Variants in SLC5A11 observed in about 807,000 individuals in gnomAD.
The protein encoded by SLC5A11 is solute carrier family 5 member 11.
A neutral mutation model predicts 69.8 loss-of-function variants in SLC5A11; 48 were observed. That is an observed-to-expected ratio of 0.69 (90% confidence interval 0.55 to 0.87). The LOEUF (loss-of-function observed/expected upper bound fraction) is 0.87. Among genes scored for constraint, SLC5A11 ranks in the 40% least tolerant of loss-of-function variants. The pLI is 0.00. For synonymous variants in SLC5A11, 319 were observed against 342.4 expected, an observed-to-expected ratio of 0.93 and a Z score of 0.75; for missense variants, 784 against 866.1, an observed-to-expected ratio of 0.91 and a Z score of 1.19.
intron 1 of SLC5A11, among the ~76,000 whole-genome samples, chr16:24,853,030 G>C (rs539377403): frequency 6.6e-6 from 1 of 151,792 alleles, no homozygotes; most frequent in East Asian, 1.9e-4. Context: ...ATGGTGCACA[G>C]CCGGTGCCTA....
At chr16:24,867,991 G>A (rs552527152) in intron 3 of SLC5A11, among the ~76,000 whole-genome samples, 136 of 151,898 alleles carry the variant, frequency 9.0e-4, no homozygotes, top group African/African-American at 3.1e-3. Context: ...CAAAAAATTA[G>A]CTGGTTGTGG....
At position 24,906,821 on chromosome 16, in the gene SLC5A11, C is replaced by G; in HGVS notation, c.1114+57C>G. The G allele has an allele frequency of 2.0e-6, 3 of 1,491,080 alleles. No homozygotes were observed. The East Asian group carries it at 6.8e-5, about 34-fold the overall frequency. 92.4% of individuals were successfully genotyped at this position (1,491,080 alleles called of 1,614,324 possible). On this transcript the variant is annotated intron_variant, in intron 11 of 15. Coordinates refer to ENST00000347898, the Ensembl canonical transcript of SLC5A11. ...CTGGAGCACCCAGAAAGGAGATCAC[C>G]GGATGGGCTCTGATCCAAGGCAGGG...
At chr16:24,907,273 A>G in intron 12 of SLC5A11, 98 bp downstream of exon 13, 1 of 1,377,208 alleles carries the variant, frequency 7.3e-7, no homozygotes, top group Non-Finnish European at 1.0e-6. Context: ...TCCAGGCTGA[A>G]GAGCATTAGG....
intron 13 of SLC5A11, 53 bp from the exon 15 acceptor site, chr16:24,908,828 C>T (rs1693717169): frequency 6.4e-7 from 1 of 1,573,544 alleles, no homozygotes; most frequent in Admixed American, 1.7e-5. Flanking sequence ...CTTGAGGTTC[C>T]TGGAGGCCAG....
At chr16:24,856,489 C>T (rs1363921222) in intron 1 of SLC5A11, among the ~76,000 whole-genome samples, 1 of 150,534 alleles carries the variant, frequency 6.6e-6, no homozygotes, top group African/African-American at 2.4e-5. Flanking sequence ...CGCAGTGGCT[C>T]ACGTCTGTAA....
At chr16:24,875,570 G>GT in intron 5 of SLC5A11, 57 bp from the exon 7 acceptor site, 3 of 1,413,502 alleles carry the variant, frequency 2.1e-6, no homozygotes, top group South Asian at 1.2e-5. Flanking sequence ...TTGTGTGGGG[G>GT]GGTCACGTGC....
chr16:24,900,739 C>G, intron 10 of SLC5A11, among the ~76,000 whole-genome samples: 1 of 151,836 alleles, frequency 6.6e-6, no homozygotes, highest in East Asian at 1.9e-4. Flanking sequence ...GATACCAGAC[C>G]CGCTCTCTAC....
chr16:24,870,087 T>G (rs1271614767), intron 4 of SLC5A11, 82 bp downstream of exon 5: 3 of 1,008,156 alleles, frequency 3.0e-6, no homozygotes, highest in South Asian at 2.8e-5. Flanking sequence ...GTGAATGCCC[T>G]GCACTTTAAA....
chr16:24,880,888 ACTT>A (rs1229145084), intron 7 of SLC5A11, among the ~76,000 whole-genome samples: 1 of 151,866 alleles, frequency 6.6e-6, no homozygotes, highest in African/African-American at 2.4e-5. Context: ...TTATCTTTTG[ACTT>A]CTTAATTGTT....
At chr16:24,884,170 A>T in intron 8 of SLC5A11, 39 bp downstream of exon 9, 1 of 1,586,640 alleles carries the variant, frequency 6.3e-7, no homozygotes, top group Non-Finnish European at 8.7e-7. Flanking sequence ...GGACAACAGC[A>T]CCTCTCTCCA....
At chr16:24,883,836 C>T (rs781686838) in intron 7 of SLC5A11, among the ~76,000 whole-genome samples, 1 of 152,184 alleles carries the variant, frequency 6.6e-6, no homozygotes, top group East Asian at 1.9e-4. Flanking sequence ...ATGTGAGAAG[C>T]GGAGAAATCA....
chr16:24,848,682 G>A (rs2059133376), intron 1 of SLC5A11, among the ~76,000 whole-genome samples: 1 of 152,152 alleles, frequency 6.6e-6, no homozygotes, highest in Admixed American at 6.6e-5. Flanking sequence ...GGAGGTGGGA[G>A]GATCCCTTGA....
chr16:24,890,741 C>T, intron 8 of SLC5A11, 128 bp from the exon 10 acceptor site: 1 of 834,286 alleles, frequency 1.2e-6, no homozygotes, highest in Non-Finnish European at 2.0e-6. Flanking sequence ...AGGTTAAGAA[C>T]CCTTAAGGGG....
chr16:24,902,546 C>CTT (rs35191056), intron 10 of SLC5A11, among the ~76,000 whole-genome samples: 4,402 of 130,202 alleles, frequency 0.034, 263 homozygotes, highest in African/African-American at 0.11. Flanking sequence ...CCAATCAAGT[C>CTT]TTTTTTTTTT....
intron 9 of SLC5A11, among the ~76,000 whole-genome samples, chr16:24,891,575 C>T (rs896543395): frequency 2.6e-5 from 4 of 152,204 alleles, no homozygotes; most frequent in South Asian, 4.2e-4. Context: ...CCTCCCGCCT[C>T]AGCCTCCCAA....
At chr16:24,864,269 A>G (rs2152276752) in intron 3 of SLC5A11, among the ~76,000 whole-genome samples, 1 of 152,316 alleles carries the variant, frequency 6.6e-6, no homozygotes, top group East Asian at 1.9e-4. Context: ...GCAGGAAGTG[A>G]AGGCTAAGGC....
intron 3 of SLC5A11, among the ~76,000 whole-genome samples, chr16:24,867,215 AT>A (rs1180290191): frequency 6.6e-6 from 1 of 152,220 alleles, no homozygotes; most frequent in Non-Finnish European, 1.5e-5. Context: ...TTATAAATAA[AT>A]AACCTTGGAA....
chr16:24,899,836 T>TG (rs2049451453), intron 10 of SLC5A11, among the ~76,000 whole-genome samples: 2 of 151,960 alleles, frequency 1.3e-5, no homozygotes, highest in South Asian at 4.2e-4. Flanking sequence ...CCTTAGTAGC[T>TG]GGACTACGGG....
At position 24,901,837 on chromosome 16, in the gene SLC5A11, C is replaced by A. The variant is rs187716724; in HGVS notation, c.1006+3728C>A. ...CAGTGGCTCACGCCTGTAATCCCAG[C>A]TCTTTGGGAGGCCAAGGCAGGAAGA... On this transcript the variant is annotated intron_variant, in intron 10 of 15. Coordinates refer to ENST00000347898, the Ensembl canonical transcript of SLC5A11. 8.7e-5 allele frequency among the ~76,000 whole-genome samples: 13 copies of A among 150,026 alleles called. No homozygotes were observed. In the East Asian group the frequency reaches 2.4e-3, roughly 28 times the overall value.
Sources: allele counts gnomAD v4.1 joint callset (sites outside exome capture counted in the v4.1 genomes callset), GRCh38; gene constraint gnomAD v4.1.1; transcripts MANE v1.5; gene names NCBI Gene and HGNC (gene_info 2026-07-23, HGNC 2026-07-21).